GRIN2C: variants seen among roughly 807,000 people sequenced by gnomAD.
GRIN2C encodes the protein glutamate ionotropic receptor NMDA type subunit 2C.
In GRIN2C, 64 loss-of-function variants were observed where a neutral mutation model predicts 77.7. The observed-to-expected ratio is 0.82, with a 90% CI of 0.67 to 1.01. The LOEUF (loss-of-function observed/expected upper bound fraction) is 1.01, where lower values mean the gene tolerates loss of function less well. Among genes scored for constraint, GRIN2C ranks in the 50% least tolerant of loss-of-function variants. The pLI, the probability that GRIN2C is intolerant of heterozygous loss-of-function variation, is 0.00. For synonymous variants in GRIN2C, 792 were observed against 643.4 expected, an observed-to-expected ratio of 1.23 and a Z score of -3.49; for missense variants, 1,549 against 1,486.0, an observed-to-expected ratio of 1.04 and a Z score of -0.70.
intron 1 of GRIN2C, among the ~76,000 whole-genome samples, chr17:74,858,575 C>G (rs1389230739): frequency 6.6e-6 from 1 of 150,898 alleles, no homozygotes; most frequent in Non-Finnish European, 1.5e-5. Context: ...CACTTTCCCC[C>G]GCCACAATCT....
chr17:74,854,428 G>T (rs2037752057), intron 2 of GRIN2C: 1 of 420,924 alleles, frequency 2.4e-6, no homozygotes, highest in Non-Finnish European at 4.3e-6. Context: ...GAGGAGGAGG[G>T]CTGGGGCCTG....
Position 74,850,875 on chromosome 17 carries a change from G to T in GRIN2C, c.1114-108C>A. 1 of 951,014 alleles carries T rather than the reference G, an allele frequency of 1.1e-6. No individual in the cohort carries two copies. Among genetic ancestry groups the T allele is most frequent in the Non-Finnish European group, 1.6e-6 (1 of 615,926 alleles). 58.9% of individuals were successfully genotyped at this position (951,014 alleles called of 1,614,324 possible). A position where few individuals can be genotyped will look rare whatever the true frequency, so the allele number is the denominator to read the frequency against. ...CTCCCTCTCTCACCTAGGGATGCTG[G>T]GGCAGGTCAGAGTAGGGCTGCTCCC... On this transcript the variant is annotated intron_variant, in intron 4 of 12. Transcript: ENST00000293190. The surrounding 1 kb of genome is among the most constrained non-coding windows in gnomAD (Gnocchi z 5.3).
intron 2 of GRIN2C, chr17:74,854,263 A>C: frequency 6.0e-6 from 1 of 167,112 alleles, no homozygotes; most frequent in Non-Finnish European, 1.3e-5. Context: ...GAGCCCTGCA[A>C]GGGCAGGGCC....
intron 12 of GRIN2C, 139 bp from the exon 13 acceptor site, chr17:74,843,692 C>A: frequency 8.6e-7 from 1 of 1,166,938 alleles, no homozygotes; most frequent in South Asian, 1.5e-5. Context: ...ATCTCCCATG[C>A]GCCAGGCACT....
intron 11 of GRIN2C, among the ~76,000 whole-genome samples, 187 bp downstream of exon 11, chr17:74,845,879 C>T (rs1054683973): frequency 2.0e-5 from 3 of 152,074 alleles, no homozygotes; most frequent in Non-Finnish European, 4.4e-5. Context: ...CCGCCCTGCA[C>T]ACCTATCCCT....
intron 1 of GRIN2C, among the ~76,000 whole-genome samples, chr17:74,856,615 A>C (rs2037827364): frequency 6.6e-6 from 1 of 151,458 alleles, no homozygotes; most frequent in African/African-American, 2.4e-5. Flanking sequence ...AGTAGCTGGG[A>C]CTACAGGCGC....
In GRIN2C at chr17:74,849,749, C is replaced by G; in HGVS notation, c.1645+31G>C. ...CCCTCCTCGTGGGCCCCTCTGCCCC[C>G]GGAGCCGTCTCTGCCCACCCTGGGC... On this transcript the variant is annotated intron_variant, in intron 7 of 12. Transcript: ENST00000293190. This position sits in a 1 kb window ranked among gnomAD's most constrained non-coding sequence, Gnocchi z 4.6. 6.3e-7 allele frequency: 1 copy of G among 1,596,962 alleles called. No homozygotes were observed.
upstream of GRIN2C, among the ~76,000 whole-genome samples, chr17:74,860,296 T>C (rs1407313403): frequency 1.3e-5 from 2 of 152,230 alleles, no homozygotes; most frequent in Non-Finnish European, 2.9e-5. Context: ...TCGATTTTCC[T>C]GTGGCCCGGG....
rs1262160050 is a variant in GRIN2C, at chr17:74,846,868, T to C, written c.2054A>G (p.Asn685Ser). The C allele has an allele frequency of 2.7e-5, 43 of 1,613,992 alleles. No individual in the cohort carries two copies. Among genetic ancestry groups the C allele is most frequent in the Non-Finnish European group, 3.4e-5 (40 of 1,180,022 alleles). The change falls in exon 10 of 13, where the codon AAC becomes AGC. Residue 685 changes from asparagine (N) to serine (S), a missense_variant. By Grantham distance (46) the Asn-to-Ser change is conservative. Transcript: ENST00000293190. This position sits in a 1 kb window ranked among gnomAD's most constrained non-coding sequence, Gnocchi z 4.4. ...GCGGATGTTCCGCTCCGTGCTGCCG[T>C]TGGGCACCGTGCCGAAGCGGAAAGG... ...YPPFRFGTVP[N>S]GSTERNIRSN...
chr17:74,856,941 T>A (rs2037836591), intron 1 of GRIN2C, among the ~76,000 whole-genome samples: 2 of 152,096 alleles, frequency 1.3e-5, no homozygotes, highest in South Asian at 4.2e-4. Flanking sequence ...ACTGAAAGGA[T>A]CCCTCCAGGG....
Position 74,854,316 on chromosome 17 carries a change from C to T in GRIN2C, c.399+378G>A, listed in dbSNP as rs530004224. On this transcript the variant is annotated intron_variant, in intron 2 of 12. Coordinates refer to ENST00000293190, the MANE Select transcript of GRIN2C (RefSeq NM_000835.6). ...GGCTCCCAGGGTTCCCTGGTGCTCA[C>T]CCTACAGGTCAACTACCACTGCCCA... The T allele has an allele frequency of 1.8e-3, 333 of 189,220 alleles. 2 individuals carry two copies. The highest frequency in any genetic ancestry group is 7.2e-3 in the African/African-American group (311 of 42,930). 11.7% of individuals were successfully genotyped at this position (189,220 alleles called of 1,614,324 possible). A position where few individuals can be genotyped will look rare whatever the true frequency, so the allele number is the denominator to read the frequency against.
At position 74,849,975 on chromosome 17, in the gene GRIN2C, G is replaced by A. The variant is rs758486374; in HGVS notation, c.1492-42C>T. On this transcript the variant is annotated intron_variant, in intron 6 of 12. Coordinates refer to ENST00000293190, the MANE Select transcript of GRIN2C (RefSeq NM_000835.6). This position sits in a 1 kb window ranked among gnomAD's most constrained non-coding sequence, Gnocchi z 4.6. ...ACGGAGGTTTGAAAAAGGGGCTCCC[G>A]TGGGGTGGACACGCTGCACAGGCAC... 1.6e-5 allele frequency: 26 copies of A among 1,590,468 alleles called. No individual in the cohort carries two copies. The highest frequency in any genetic ancestry group is 2.3e-5 in the South Asian group (2 of 87,786).
At position 74,843,398 on chromosome 17, in the gene GRIN2C, C is replaced by G; in HGVS notation, c.2739G>C (p.Leu913=). The change falls in exon 13 of 13, where the codon CTG becomes CTC. Residue 913 remains leucine (L), a synonymous_variant. Transcript: ENST00000293190. ...MVTTAGVSSS[L]DRATRTIENW... is the part of the protein sequence containing the mutation. Reference sequence around the variant, plus strand: ...TCTCGATGGTGCGAGTGGCGCGGTCCAGGGAGCTGCTTACGCCCGCCGTGG... The same window carrying G: ...TCTCGATGGTGCGAGTGGCGCGGTCGAGGGAGCTGCTTACGCCCGCCGTGG... 1 of 1,535,564 alleles carries G rather than the reference C, an allele frequency of 6.5e-7. No homozygotes were observed.
At position 74,844,417 on chromosome 17, in the gene GRIN2C, G is replaced by A. The variant is rs1216838597; in HGVS notation, c.2442C>T (p.Asn814=). 3.1e-6 allele frequency: 5 copies of A among 1,614,114 alleles called. No individual in the cohort carries two copies. The highest frequency in any genetic ancestry group is 4.2e-6 in the Non-Finnish European group (5 of 1,180,056). ...GCAGCATGTAGAAGACGCCTGCCAT[G>A]TTGTCGATGTCCAGCTTGCTGCTCA... ...EVMSSKLDID[N]MAGVFYMLLV... The change falls in exon 12 of 13, where the codon AAC becomes AAT. Residue 814 remains asparagine (N), a synonymous_variant. Coordinates refer to ENST00000293190, the MANE Select transcript of GRIN2C (RefSeq NM_000835.6).
At position 74,858,629 on chromosome 17, in the gene GRIN2C, G is replaced by A. The variant is rs974681769; in HGVS notation, c.-16+1115C>T. Among the ~76,000 whole-genome samples the A allele has an allele frequency of 1.4e-3, 16 of 11,188 alleles. 1 individual carries two copies. Among genetic ancestry groups the A allele is most frequent in the African/African-American group, 5.4e-3 (16 of 2,976 alleles). The allele number at this position is 11,188 out of a possible 152,430, so 7.3% of individuals were successfully genotyped here. On this transcript the variant is annotated intron_variant, in intron 1 of 12. Transcript: ENST00000293190. Reference sequence around the variant, plus strand: ...CCCCACCTCCCACCTACCCACCCCCGCCAGCCCCACTGCACTGCTGAAGCC... The same window carrying A: ...CCCCACCTCCCACCTACCCACCCCCACCAGCCCCACTGCACTGCTGAAGCC...
At chr17:74,854,458 G>T (rs2037753164) in intron 2 of GRIN2C, 2 of 480,660 alleles carry the variant, frequency 4.2e-6, no homozygotes, top group Non-Finnish European at 7.4e-6. Flanking sequence ...GCCAGAGGGT[G>T]GGCCTGCACC....
chr17:74,844,540 G>A (rs1213198612), intron 11 of GRIN2C, 32 bp from the exon 12 acceptor site: 2 of 1,602,596 alleles, frequency 1.2e-6, no homozygotes, highest in Non-Finnish European at 1.7e-6. Flanking sequence ...ATCTGGCTCA[G>A]GAAACCCCCC....
rs779537035 is a variant in GRIN2C at position 74,842,541 on chromosome 17, CTG to C, written c.3594_3595del (p.Tyr1198Ter). 3.1e-5 allele frequency: 24 copies of C among 777,670 alleles called. No homozygotes were observed. Among genetic ancestry groups the C allele is most frequent in the Middle Eastern group, 4.5e-4 (2 of 4,440 alleles). The allele number at this position is 777,670 out of a possible 1,614,324, so 48.2% of individuals were successfully genotyped here. ...GATCTCGTCCAGTCCCCCACTGTCT[CTG>C]TAGCCTGTGCCCAGCCCCAGAGTCC... On this transcript the variant is annotated stop_gained and frameshift_variant, in exon 13 of 13. Coordinates refer to ENST00000293190, the MANE Select transcript of GRIN2C (RefSeq NM_000835.6). LOFTEE classifies it high-confidence loss of function.
rs2144526548 is a variant in GRIN2C, at chr17:74,842,166, C to T, written c.*269G>A. 2.3e-6 allele frequency: 1 copy of T among 438,974 alleles called. No individual in the cohort carries two copies. Among genetic ancestry groups the T allele is most frequent in the East Asian group, 4.6e-5 (1 of 21,608 alleles). The allele number at this position is 438,974 out of a possible 1,614,324, so 27.2% of individuals were successfully genotyped here. A position where few individuals can be genotyped will look rare whatever the true frequency, so the allele number is the denominator to read the frequency against. Reference sequence around the variant, plus strand: ...AGCCATGACCAGTAACTGGCTAGCCCCAGGGAAGGGAGAGCCTCAGGAGTC... The same window carrying T: ...AGCCATGACCAGTAACTGGCTAGCCTCAGGGAAGGGAGAGCCTCAGGAGTC... On this transcript the variant is annotated 3_prime_UTR_variant, in exon 13 of 13. Coordinates refer to ENST00000293190, the MANE Select transcript of GRIN2C (RefSeq NM_000835.6).
Sources: allele counts gnomAD v4.1 joint callset (sites outside exome capture counted in the v4.1 genomes callset), GRCh38; gene constraint gnomAD v4.1.1; non-coding constraint Gnocchi (gnomAD v3.1); transcripts MANE v1.5; gene names NCBI Gene and HGNC (gene_info 2026-07-23, HGNC 2026-07-21).